The following ANKFN1 variants were observed in gnomAD, a reference collection of about 807,000 sequenced individuals.
ANKFN1 encodes the protein ankyrin repeat and fibronectin type-III domain-containing protein 1.
A neutral mutation model predicts 108.7 loss-of-function variants in ANKFN1; 74 were observed. That is an observed-to-expected ratio of 0.68 (90% CI 0.56 to 0.83). The LOEUF is 0.83. Among genes scored for constraint, ANKFN1 ranks in the 40% least tolerant of loss-of-function variants. ANKFN1 has a pLI of 0.00. For synonymous variants in ANKFN1, 547 were observed against 516.2 expected, an observed-to-expected ratio of 1.06 and a Z score of -0.81; for missense variants, 1,505 against 1,382.3, an observed-to-expected ratio of 1.09 and a Z score of -1.41.
intron 4 of ANKFN1, among the ~76,000 whole-genome samples, chr17:56,101,531 G>A (rs1449365580): frequency 1.3e-5 from 2 of 152,210 alleles, no homozygotes; most frequent in African/African-American, 2.4e-5. Context: ...TTATATGATA[G>A]TACTACTCAA....
chr17:56,147,600 G>A (rs537889760), intron 4 of ANKFN1, among the ~76,000 whole-genome samples: 32 of 151,712 alleles, frequency 2.1e-4, no homozygotes, highest in Admixed American at 1.6e-3. Context: ...CATGAGAACC[G>A]CCCCCATGAT....
At chr17:56,363,482 A>G (rs2046579847) in intron 6 of ANKFN1, among the ~76,000 whole-genome samples, 1 of 152,186 alleles carries the variant, frequency 6.6e-6, no homozygotes, top group African/African-American at 2.4e-5. Flanking sequence ...GGGGATGTAA[A>G]TTAGCACAGC....
intron 1 of ANKFN1, among the ~76,000 whole-genome samples, chr17:56,205,431 T>G (rs962772312): frequency 2.0e-5 from 3 of 152,262 alleles, no homozygotes; most frequent in Non-Finnish European, 2.9e-5. Flanking sequence ...ATCATCTGTT[T>G]GCAATTTTTA....
At chr17:56,158,848 C>T (rs1278079710) in intron 1 of ANKFN1, among the ~76,000 whole-genome samples, 7 of 151,958 alleles carry the variant, frequency 4.6e-5, no homozygotes, top group African/African-American at 2.4e-5. Context: ...TGTGTGAAAG[C>T]TTTTAAAATT....
intron 3 of ANKFN1, among the ~76,000 whole-genome samples, chr17:56,317,334 A>G (rs543228868): frequency 1.5e-4 from 23 of 152,334 alleles, no homozygotes; most frequent in African/African-American, 5.5e-4. Flanking sequence ...TGCTTTAGCA[A>G]AAGGGAAAAC....
In ANKFN1 at chr17:56,501,103, C is replaced by G. The variant is rs1198045918; in HGVS notation, c.2644+2005C>G. Among the ~76,000 whole-genome samples the G allele has an allele frequency of 3.3e-5, 5 of 152,032 alleles. No individual in the cohort carries two copies. The East Asian group carries it at 7.7e-4, about 23-fold the overall frequency. ...TGCAGAGTTCTGGAGTTGGAATATT[C>G]CAGACAATAAAACAGCAAAAGGCCC... On this transcript the variant is annotated intron_variant, in intron 20 of 20. Transcript: ENST00000682825.
At chr17:56,226,776 G>C (rs2143903487) in intron 2 of ANKFN1, among the ~76,000 whole-genome samples, 1 of 152,288 alleles carries the variant, frequency 6.6e-6, no homozygotes, top group South Asian at 2.1e-4. Context: ...TGGTTGGCTA[G>C]TTCAATGGCT....
chr17:56,486,842 C>G (rs2145397173), intron 18 of ANKFN1, among the ~76,000 whole-genome samples: 1 of 152,292 alleles, frequency 6.6e-6, no homozygotes, highest in South Asian at 2.1e-4. Flanking sequence ...AAGCATTGCA[C>G]TATATTTCAG....
At chr17:56,214,596 C>A (rs1411199236) in intron 2 of ANKFN1, among the ~76,000 whole-genome samples, 1 of 152,160 alleles carries the variant, frequency 6.6e-6, no homozygotes, top group Non-Finnish European at 1.5e-5. Context: ...GTGTCTCCCC[C>A]GTCATTCTTT....
chr17:56,286,612 T>C (rs2044223988), intron 3 of ANKFN1, among the ~76,000 whole-genome samples: 1 of 152,116 alleles, frequency 6.6e-6, no homozygotes, highest in Non-Finnish European at 1.5e-5. Context: ...GCGGCAGGAC[T>C]CCCAGGGCAA....
At chr17:56,125,400 T>C (rs1906863211) in intron 4 of ANKFN1, among the ~76,000 whole-genome samples, 1 of 152,096 alleles carries the variant, frequency 6.6e-6, no homozygotes, top group South Asian at 2.1e-4. Context: ...AACAGTTGAA[T>C]AAAAAGGAAC....
chr17:56,362,224 A>G (rs2046540530), intron 6 of ANKFN1, among the ~76,000 whole-genome samples: 1 of 152,236 alleles, frequency 6.6e-6, no homozygotes, highest in South Asian at 2.1e-4. Context: ...AAAATGACCC[A>G]AGAGTTTCTG....
intron 15 of ANKFN1, among the ~76,000 whole-genome samples, chr17:56,476,532 A>G (rs1215654242): frequency 1.3e-5 from 2 of 152,224 alleles, no homozygotes; most frequent in Non-Finnish European, 2.9e-5. Flanking sequence ...ATGAAAATCC[A>G]TTACAGGGCA....
intron 3 of ANKFN1, among the ~76,000 whole-genome samples, chr17:56,241,109 A>G (rs1304116167): frequency 6.6e-6 from 1 of 152,006 alleles, no homozygotes; most frequent in Non-Finnish European, 1.5e-5. Context: ...CTGTTATGTA[A>G]GTTTTAAAGT....
At chr17:56,145,208 G>T (rs143367621) in intron 4 of ANKFN1, among the ~76,000 whole-genome samples, 1 of 152,318 alleles carries the variant, frequency 6.6e-6, no homozygotes, top group East Asian at 1.9e-4. Context: ...ACCATGGAAT[G>T]GGTACAAAAG....
chr17:56,223,256 G>A (rs1316076623), intron 2 of ANKFN1, among the ~76,000 whole-genome samples: 4 of 152,284 alleles, frequency 2.6e-5, no homozygotes, highest in Middle Eastern at 3.4e-3. Flanking sequence ...TCTGGAAAAC[G>A]GGGGTGTTGG....
chr17:56,323,090 C>A (rs957434463), intron 3 of ANKFN1: 1 of 152,092 alleles, frequency 6.6e-6, no homozygotes, highest in African/African-American at 2.4e-5. Context: ...GAGACACATT[C>A]GCAAATATCC....
chr17:56,197,928 C>T (rs1470911006), intron 1 of ANKFN1, among the ~76,000 whole-genome samples: 3 of 152,040 alleles, frequency 2.0e-5, no homozygotes, highest in Admixed American at 1.3e-4. Context: ...GAAGAGTGGT[C>T]GAGCCCAAGA....
At chr17:56,196,416 G>C (rs940572119) in intron 1 of ANKFN1, among the ~76,000 whole-genome samples, 1 of 152,144 alleles carries the variant, frequency 6.6e-6, no homozygotes, top group Non-Finnish European at 1.5e-5. Flanking sequence ...TTGCAGCCAG[G>C]AGGACTGGAT....
Sources: allele counts gnomAD v4.1 joint callset (sites outside exome capture counted in the v4.1 genomes callset), GRCh38; gene constraint gnomAD v4.1.1; transcripts MANE v1.5; gene names NCBI Gene and HGNC (gene_info 2026-07-23, HGNC 2026-07-21).